Variants in SLC25A26 observed in about 807,000 individuals in gnomAD.
The protein encoded by SLC25A26 is mitochondrial S-adenosylmethionine carrier protein.
Under a neutral mutation model 37.8 loss-of-function variants are expected in SLC25A26, and 36 were observed. That is an observed-to-expected ratio of 0.95 (90% confidence interval 0.73 to 1.26). The LOEUF (loss-of-function observed/expected upper bound fraction) is 1.26, where lower values mean the gene tolerates loss of function less well. Among genes scored for constraint, SLC25A26 ranks in the 50% most tolerant of loss-of-function variants. SLC25A26 has a pLI of 0.00. For missense variants in SLC25A26, 390 were observed against 331.1 expected, an observed-to-expected ratio of 1.18 and a Z score of -1.38; for synonymous variants, 129 against 122.5, an observed-to-expected ratio of 1.05 and a Z score of -0.35.
intron 1 of SLC25A26, among the ~76,000 whole-genome samples, chr3:66,227,650 A>G (rs2071820027): frequency 6.6e-6 from 1 of 152,178 alleles, no homozygotes; most frequent in Admixed American, 6.6e-5. Context: ...TACCATGCAA[A>G]GTGAGGACCG....
At chr3:66,280,177 AC>A (rs1479094185) in intron 5 of SLC25A26, among the ~76,000 whole-genome samples, 2 of 152,202 alleles carry the variant, frequency 1.3e-5, no homozygotes, top group African/African-American at 4.8e-5. Context: ...AAGTGAAGAC[AC>A]CAAAGGTCTG....
At chr3:66,301,981 G>A (rs2075088437) in intron 5 of SLC25A26, among the ~76,000 whole-genome samples, 2 of 152,172 alleles carry the variant, frequency 1.3e-5, no homozygotes, top group Admixed American at 1.3e-4. Flanking sequence ...CATATGAAGT[G>A]CTTAGGACAG....
At chr3:66,273,659 A>G (rs2107375158) in intron 5 of SLC25A26, among the ~76,000 whole-genome samples, 1 of 152,318 alleles carries the variant, frequency 6.6e-6, no homozygotes, top group East Asian at 1.9e-4. Flanking sequence ...ATTGCTTCAA[A>G]GAGAATAAAA....
chr3:66,218,971 G>A (rs1039026592), upstream of SLC25A26, among the ~76,000 whole-genome samples: 22 of 152,234 alleles, frequency 1.4e-4, 1 homozygote, highest in Admixed American at 7.2e-4. Flanking sequence ...GATTCTTGAC[G>A]TATGAAAACT....
At chr3:66,284,988 A>G (rs1047093479) in intron 5 of SLC25A26, among the ~76,000 whole-genome samples, 2 of 152,152 alleles carry the variant, frequency 1.3e-5, no homozygotes, top group Non-Finnish European at 2.9e-5. Context: ...TGGGTAGTAA[A>G]ATGATAAGAA....
At chr3:66,224,117 A>G (rs902253497) in intron 1 of SLC25A26, among the ~76,000 whole-genome samples, 6 of 152,198 alleles carry the variant, frequency 3.9e-5, no homozygotes, top group African/African-American at 1.2e-4. Flanking sequence ...GCATGTATGT[A>G]TATTTGCTTG....
chr3:66,332,366 G>A (rs11923884), intron 5 of SLC25A26, among the ~76,000 whole-genome samples: 3,375 of 152,178 alleles, frequency 0.022, 129 homozygotes, highest in African/African-American at 0.075. Flanking sequence ...CCGTACATCT[G>A]TTTTGTTTCA....
intron 5 of SLC25A26, among the ~76,000 whole-genome samples, chr3:66,276,936 A>G (rs1461910421): frequency 2.0e-5 from 3 of 149,658 alleles, no homozygotes; most frequent in Non-Finnish European, 4.4e-5. Flanking sequence ...TGAACTTGGA[A>G]GCTGCTTCCT....
At chr3:66,345,483 T>A (rs1036522852) in intron 5 of SLC25A26, among the ~76,000 whole-genome samples, 2 of 151,038 alleles carry the variant, frequency 1.3e-5, no homozygotes, top group African/African-American at 4.9e-5. Flanking sequence ...TCTTCTGTCC[T>A]CCTCCTCTCT....
intron 6 of SLC25A26, among the ~76,000 whole-genome samples, chr3:66,357,838 A>G (rs947850554): frequency 1.3e-5 from 2 of 152,202 alleles, no homozygotes; most frequent in African/African-American, 2.4e-5. Context: ...ATAGTGAGGA[A>G]ACAGACTGCT....
chr3:66,204,388 T>TG (rs1205834673), intron 1 of SLC25A26, among the ~76,000 whole-genome samples: 1 of 122,446 alleles, frequency 8.2e-6, no homozygotes, highest in Non-Finnish European at 1.6e-5. Context: ...ATCGCGCCAC[T>TG]GCACTCCAGC....
chr3:66,377,106 A>G (rs1700705353), intron 9 of SLC25A26, among the ~76,000 whole-genome samples: 1 of 152,178 alleles, frequency 6.6e-6, no homozygotes, highest in Non-Finnish European at 1.5e-5. Flanking sequence ...TCCTCGTGGC[A>G]TTGTAGTTTT....
intron 5 of SLC25A26, among the ~76,000 whole-genome samples, chr3:66,307,083 C>T (rs2075247742): frequency 6.6e-6 from 1 of 152,290 alleles, no homozygotes; most frequent in South Asian, 2.1e-4. Context: ...AATTGCTGCA[C>T]TGTCTTCCAT....
At chr3:66,187,582 T>C (rs2070853878) in intron 1 of SLC25A26, among the ~76,000 whole-genome samples, 1 of 151,970 alleles carries the variant, frequency 6.6e-6, no homozygotes, top group African/African-American at 2.4e-5. Flanking sequence ...CCCTGAACCT[T>C]AACTGACCCT....
chr3:66,265,849 CAT>C (rs1214950397), intron 5 of SLC25A26, among the ~76,000 whole-genome samples: 1 of 152,194 alleles, frequency 6.6e-6, no homozygotes, highest in Non-Finnish European at 1.5e-5. Flanking sequence ...ACTCACTAAA[CAT>C]GTGTTCCTTA....
intron 1 of SLC25A26, 61 bp from the exon 2 acceptor site, chr3:66,236,483 C>G (rs1027762852): frequency 1.5e-6 from 2 of 1,362,958 alleles, no homozygotes; most frequent in East Asian, 5.1e-5. Context: ...CCCAAGTGGC[C>G]GAGAGCTTAT....
intron 9 of SLC25A26, among the ~76,000 whole-genome samples, chr3:66,371,769 A>G (rs2107849482): frequency 6.6e-6 from 1 of 152,214 alleles, no homozygotes; most frequent in Non-Finnish European, 1.5e-5. Flanking sequence ...GTGAGAAAAA[A>G]TGAGTCCTGA....
chr3:66,329,944 T>C (rs2107675699), intron 5 of SLC25A26, among the ~76,000 whole-genome samples: 1 of 152,346 alleles, frequency 6.6e-6, no homozygotes, highest in Admixed American at 6.5e-5. Flanking sequence ...TGCTTTAGCA[T>C]GTTTTTTGTA....
chr3:66,229,452 C>G (rs2071906656), intron 1 of SLC25A26, among the ~76,000 whole-genome samples: 2 of 152,088 alleles, frequency 1.3e-5, no homozygotes, highest in African/African-American at 2.4e-5. Context: ...GGGGACAGTT[C>G]CCCCATGCTG....
Sources: gnomAD v4.1 joint callset for allele counts (sites outside exome capture counted in the v4.1 genomes callset) on GRCh38, gnomAD v4.1.1 for gene constraint, MANE v1.5 for transcripts, NCBI Gene and HGNC (gene_info 2026-07-23, HGNC 2026-07-21) for gene names.